Variants in TTC27 observed in about 807,000 individuals in gnomAD.
TTC27 encodes tetratricopeptide repeat protein 27.
Under a neutral mutation model 115.9 loss-of-function variants are expected in TTC27, and 79 were observed. That is an observed-to-expected ratio of 0.68 (90% CI 0.57 to 0.82). The LOEUF (loss-of-function observed/expected upper bound fraction) is 0.82. Ranked by LOEUF, TTC27 falls within the 40% of genes least tolerant of loss-of-function variation. The pLI, the probability that TTC27 is intolerant of heterozygous loss-of-function variation, is 0.00. For synonymous variants in TTC27, 401 were observed against 356.0 expected (o/e 1.13, Z -1.42); for missense variants, 1,054 against 993.1 (o/e 1.06, Z -0.82).
chr2:32,793,721 C>T (rs1002086943), intron 16 of TTC27, among the ~76,000 whole-genome samples: 7 of 152,076 alleles, frequency 4.6e-5, no homozygotes, highest in African/African-American at 1.7e-4. Flanking sequence ...CGGGGTTTCA[C>T]CATGTTGGCC....
At chr2:32,668,460 T>C (rs1025147725) in intron 7 of TTC27, among the ~76,000 whole-genome samples, 1 of 151,888 alleles carries the variant, frequency 6.6e-6, no homozygotes, top group Non-Finnish European at 1.5e-5. Flanking sequence ...GAAAATGATG[T>C]ACCATTTAAT....
chr2:32,628,621 C>A (rs1316149980), intron 1 of TTC27, among the ~76,000 whole-genome samples: 1 of 152,142 alleles, frequency 6.6e-6, no homozygotes, highest in Non-Finnish European at 1.5e-5. Context: ...TTTCTAAGCC[C>A]TTAACATGTA....
chr2:32,813,281 C>T (rs1451953313), intron 18 of TTC27, among the ~76,000 whole-genome samples: 1 of 152,066 alleles, frequency 6.6e-6, no homozygotes, highest in East Asian at 1.9e-4. Context: ...ATCACAAAGA[C>T]CTTACACCAA....
intron 15 of TTC27, among the ~76,000 whole-genome samples, chr2:32,784,615 T>A (rs1329012027): frequency 6.6e-6 from 1 of 152,186 alleles, no homozygotes; most frequent in Non-Finnish European, 1.5e-5. Flanking sequence ...ATATCTCTAC[T>A]ATAGAGGGGT....
chr2:32,702,798 T>C lies in TTC27; in HGVS notation c.1120-9T>C. Reference sequence around the variant, plus strand: ...TTTTCTATGATTTTTTTCTTCCCGCTTCTATCAGTGTTTGCTTTCACAACC... The same window carrying C: ...TTTTCTATGATTTTTTTCTTCCCGCCTCTATCAGTGTTTGCTTTCACAACC... On this transcript the variant is annotated splice_polypyrimidine_tract_variant and intron_variant, in intron 9 of 19. Transcript: ENST00000317907. 1 of 1,594,812 alleles carries C rather than the reference T, an allele frequency of 6.3e-7. No individual in the cohort carries two copies. Among genetic ancestry groups the C allele is most frequent in the Non-Finnish European group, 8.6e-7 (1 of 1,163,342 alleles).
At chr2:32,721,395 A>C (rs1232264048) in intron 10 of TTC27, among the ~76,000 whole-genome samples, 3 of 152,166 alleles carry the variant, frequency 2.0e-5, no homozygotes, top group African/African-American at 7.2e-5. Context: ...CAGGGGTTCA[A>C]AGAGATCATC....
intron 17 of TTC27, among the ~76,000 whole-genome samples, chr2:32,812,229 C>T (rs530083700): frequency 6.6e-6 from 1 of 152,250 alleles, no homozygotes; most frequent in South Asian, 2.1e-4. Context: ...CTGAGAAAAT[C>T]TGTATATTTA....
intron 16 of TTC27, among the ~76,000 whole-genome samples, chr2:32,802,998 A>G (rs1004738967): frequency 3.3e-5 from 5 of 152,086 alleles, no homozygotes; most frequent in Admixed American, 1.3e-4. Flanking sequence ...TCCCTGGGGT[A>G]TTGTCTGTTC....
chr2:32,635,876 T>C (rs956403978), intron 3 of TTC27, among the ~76,000 whole-genome samples: 1 of 152,172 alleles, frequency 6.6e-6, no homozygotes, highest in African/African-American at 2.4e-5. Flanking sequence ...ATTAGAGTAA[T>C]TTTAATCCAT....
In TTC27 at chr2:32,650,127, C is replaced by T; in HGVS notation, c.538-4C>T. 4 of 1,611,218 alleles carry T rather than the reference C, an allele frequency of 2.5e-6. No homozygotes were observed. The highest frequency in any genetic ancestry group is 3.4e-6 in the Non-Finnish European group (4 of 1,178,414). On this transcript the variant is annotated splice_polypyrimidine_tract_variant and splice_region_variant and intron_variant, in intron 4 of 19. Coordinates refer to ENST00000317907, the MANE Select transcript of TTC27 (RefSeq NM_017735.5). ...ATTTCAGCTTACGTGGTGTTTTTTC[C>T]TAGAGCTTGCCATGGTGGACTTTGA...
At chr2:32,716,716 G>T (rs574075606) in intron 10 of TTC27, among the ~76,000 whole-genome samples, 62 of 151,888 alleles carry the variant, frequency 4.1e-4, no homozygotes, top group Admixed American at 7.9e-4. Flanking sequence ...TTCAGAGACA[G>T]GGTCTTGCTC....
chr2:32,696,587 C>T (rs889894277), intron 9 of TTC27, among the ~76,000 whole-genome samples: 1 of 152,136 alleles, frequency 6.6e-6, no homozygotes, highest in East Asian at 1.9e-4. Context: ...AGCCACCACG[C>T]CCAGCCTATA....
intron 13 of TTC27, among the ~76,000 whole-genome samples, chr2:32,763,256 C>A (rs538049768): frequency 1.3e-3 from 196 of 152,284 alleles, no homozygotes; most frequent in African/African-American, 4.5e-3. Flanking sequence ...AACTTGAACA[C>A]TGTAGACTCA....
intron 18 of TTC27, among the ~76,000 whole-genome samples, chr2:32,815,223 ATTTTTTTTTTTTTTTT>A (rs533493768): frequency 1.4e-4 from 8 of 55,514 alleles, no homozygotes; most frequent in African/African-American, 2.8e-4. Flanking sequence ...GCTGCTTCAG[ATTTTTTTTTTTTTTTT>A]TTTTTTTTTT....
chr2:32,754,297 C>T (rs1349474646), intron 12 of TTC27, among the ~76,000 whole-genome samples: 7 of 150,398 alleles, frequency 4.7e-5, no homozygotes, highest in Middle Eastern at 3.2e-3. Flanking sequence ...TTCGGCCTTC[C>T]GCAGTGTTTG....
At chr2:32,774,305 C>T (rs1056880628) in intron 13 of TTC27, among the ~76,000 whole-genome samples, 1 of 151,630 alleles carries the variant, frequency 6.6e-6, no homozygotes, top group Admixed American at 6.6e-5. Flanking sequence ...CTCAGTCTCC[C>T]GAGTAGCTGG....
intron 13 of TTC27, among the ~76,000 whole-genome samples, chr2:32,763,910 G>C (rs1444266486): frequency 6.6e-6 from 1 of 152,096 alleles, no homozygotes; most frequent in Non-Finnish European, 1.5e-5. Context: ...AATCTCCCAG[G>C]CACAATTTCC....
rs988678140 is a variant in TTC27 at position 32,811,322 on chromosome 2, A to G, written c.2196+101A>G. 4.4e-6 allele frequency: 5 copies of G among 1,135,350 alleles called. No homozygotes were observed. In the Admixed American group the frequency reaches 6.6e-5, roughly 15 times the overall value. 70.3% of individuals were successfully genotyped at this position (1,135,350 alleles called of 1,614,324 possible). ...GAGGAAGAGTTTAACAATCTGAAAG[A>G]TAAGATTAGTATGCTTAAGTTCAGT... is the stretch of plus-strand genomic sequence containing the variant. On this transcript the variant is annotated intron_variant, in intron 17 of 19. Transcript: ENST00000317907.
intron 5 of TTC27, among the ~76,000 whole-genome samples, chr2:32,663,902 C>T (rs1665657234): frequency 6.6e-6 from 1 of 151,990 alleles, no homozygotes. Context: ...TCAGGCTGGT[C>T]TCGAACTCCT....
Sources: gnomAD v4.1 joint callset for allele counts (sites outside exome capture counted in the v4.1 genomes callset) on GRCh38, gnomAD v4.1.1 for gene constraint, MANE v1.5 for transcripts, NCBI Gene and HGNC (gene_info 2026-07-23, HGNC 2026-07-21) for gene names.